Variants in HMGXB3 observed in about 807,000 individuals in gnomAD.
HMGXB3 encodes HMG domain-containing protein 3.
A neutral mutation model predicts 121.5 loss-of-function variants in HMGXB3; 45 were observed. The ratio of observed to expected loss-of-function variants is 0.37; its 90% CI spans 0.29 to 0.47. The LOEUF (loss-of-function observed/expected upper bound fraction) is 0.47, where lower values mean the gene tolerates loss of function less well. HMGXB3 is among the 20% of genes least tolerant of loss of function. The probability of loss-of-function intolerance (pLI) is 0.99; values close to 1 mark genes in which losing one functional copy is unlikely to be tolerated. For missense variants in HMGXB3, 1,376 were observed against 1,602.2 expected (o/e 0.86, Z 2.41); for synonymous variants, 590 against 624.1 (o/e 0.95, Z 0.81).
In HMGXB3 at chr5:150,052,442, T is replaced by G; in HGVS notation, c.*250T>G. On this transcript the variant is annotated 3_prime_UTR_variant, in exon 20 of 20. Transcript: ENST00000502717. Reference sequence around the variant, plus strand: ...CCGAGAGAGCACTTGGGGGACACGGTATGTTTAATGGAGGGGAGGCTGAGG... The same window carrying G: ...CCGAGAGAGCACTTGGGGGACACGGGATGTTTAATGGAGGGGAGGCTGAGG... 1 of 500,026 alleles carries G rather than the reference T, an allele frequency of 2.0e-6. No homozygotes were observed. The allele number at this position is 500,026 out of a possible 1,614,324, so 31.0% of individuals were successfully genotyped here. A position where few individuals can be genotyped will look rare whatever the true frequency, so the allele number is the denominator to read the frequency against.
chr5:150,038,667 C>G (rs1168014199), intron 13 of HMGXB3, among the ~76,000 whole-genome samples: 3 of 152,250 alleles, frequency 2.0e-5, no homozygotes. Context: ...ATAGTGTTCT[C>G]TTTCCCAGAA....
In HMGXB3 at chr5:150,045,445, T is replaced by A. The variant is rs2276984; in HGVS notation, c.2731-21T>A. The A allele has an allele frequency of 3.6e-4, 554 of 1,542,782 alleles. 11 individuals are homozygous for A. The East Asian group carries it at 0.013, about 37-fold the overall frequency. ...GTTCTGTGACTCCCACAGTTTGACC[T>A]TCTTTATCCTGACCTTCTAGTTCAC... On this transcript the variant is annotated intron_variant, in intron 15 of 19. Coordinates refer to ENST00000502717, the MANE Select transcript of HMGXB3 (RefSeq NM_014983.3).
intron 13 of HMGXB3, among the ~76,000 whole-genome samples, chr5:150,039,104 A>T (rs1756565113): frequency 6.6e-6 from 1 of 152,196 alleles, no homozygotes; most frequent in South Asian, 2.1e-4. Flanking sequence ...ACTTAGCATT[A>T]TCTGTTTTTG....
At chr5:150,022,254 A>G (rs1756114714) in intron 6 of HMGXB3, among the ~76,000 whole-genome samples, 1 of 152,146 alleles carries the variant, frequency 6.6e-6, no homozygotes. Flanking sequence ...TTTGTCTCTA[A>G]AAGCTCCAAG....
At chr5:150,002,152 C>G (rs1353835212) in intron 1 of HMGXB3, among the ~76,000 whole-genome samples, 1 of 152,114 alleles carries the variant, frequency 6.6e-6, no homozygotes, top group African/African-American at 2.4e-5. Context: ...TAGGAAGAAC[C>G]TAAGGAATAA....
At position 150,012,240 on chromosome 5, in the gene HMGXB3, C is replaced by T. The variant is rs181853984; in HGVS notation, c.811-15C>T. ...TCTGTTTCAGTGAAACTGTCCTTCT[C>T]TTCATTGCCCATAGGATTCCAGTGA... is the stretch of plus-strand genomic sequence containing the variant. On this transcript the variant is annotated splice_polypyrimidine_tract_variant and intron_variant, in intron 4 of 19. Coordinates refer to ENST00000502717, the MANE Select transcript of HMGXB3 (RefSeq NM_014983.3). The T allele has an allele frequency of 8.3e-5, 128 of 1,539,646 alleles. 1 individual carries two copies. In the East Asian group the frequency reaches 3.1e-3, roughly 37 times the overall value.
chr5:150,002,358 T>C (rs545275681), intron 1 of HMGXB3, among the ~76,000 whole-genome samples: 1 of 152,322 alleles, frequency 6.6e-6, no homozygotes, highest in South Asian at 2.1e-4. Context: ...AGTTGAAATT[T>C]AGGATGTGGA....
chr5:150,030,957 G>A (rs1023907583), intron 10 of HMGXB3, 118 bp downstream of exon 10: 57 of 649,276 alleles, frequency 8.8e-5, no homozygotes, highest in Non-Finnish European at 1.3e-4. Context: ...AACAGGGTCA[G>A]GTATAGATTG....
chr5:150,051,718 C>G lies in HMGXB3; in HGVS notation c.3412-7C>G. 2 of 1,511,170 alleles carry G rather than the reference C, an allele frequency of 1.3e-6. No homozygotes were observed. Among genetic ancestry groups the G allele is most frequent in the Non-Finnish European group, 1.8e-6 (2 of 1,127,606 alleles). The allele number at this position is 1,511,170 out of a possible 1,614,324, so 93.6% of individuals were successfully genotyped here. A position where few individuals can be genotyped will look rare whatever the true frequency, so the allele number is the denominator to read the frequency against. ...CTTATCAAAATGCATTCTCATTTCT[C>G]TTCTAGAGTGTGTCCTGCCCAGAGC... is the stretch of plus-strand genomic sequence containing the variant. On this transcript the variant is annotated splice_polypyrimidine_tract_variant and splice_region_variant and intron_variant, in intron 19 of 19. Coordinates refer to ENST00000502717, the MANE Select transcript of HMGXB3 (RefSeq NM_014983.3).
At chr5:150,044,946 G>A (rs1299089066) in intron 15 of HMGXB3, among the ~76,000 whole-genome samples, 3 of 152,130 alleles carry the variant, frequency 2.0e-5, no homozygotes, top group Non-Finnish European at 4.4e-5. Context: ...GGAGGATGTC[G>A]GCAATCCACA....
In HMGXB3 at chr5:150,041,824, A is replaced by T; in HGVS notation, c.2585A>T (p.Glu862Val). ...TCGGAGGAGCTGAGCCAGCTGCAGG[A>T]GCTGCTGTGCAATGGCTATTGGGCC... is the stretch of plus-strand genomic sequence containing the variant. ...LTSEELSQLQ[E>V]LLCNGYWAFE... The change falls in exon 15 of 20, where the codon GAG becomes GTG. Residue 862 changes from glutamate to valine, a missense_variant. Physicochemically the swap from Glu to Val is moderately radical, Grantham distance 121. This residue lies in a region of HMGXB3 where 1,116 missense variants were observed against 1,369.0 expected (regional missense o/e 0.82). Coordinates refer to ENST00000502717, the MANE Select transcript of HMGXB3 (RefSeq NM_014983.3). 6.4e-7 allele frequency: 1 copy of T among 1,551,512 alleles called. No homozygotes were observed. The highest frequency in any genetic ancestry group is 8.7e-7 in the Non-Finnish European group (1 of 1,146,840).
intron 4 of HMGXB3, among the ~76,000 whole-genome samples, chr5:150,011,422 G>T (rs1042290317): frequency 6.6e-6 from 1 of 152,072 alleles, no homozygotes; most frequent in African/African-American, 2.4e-5. Context: ...TCTCAGAGAT[G>T]GGAGTCTTTC....
In HMGXB3 at chr5:150,024,521, G is replaced by A. The variant is rs934497911; in HGVS notation, c.1301G>A (p.Cys434Tyr). The change falls in exon 7 of 20, where the codon TGT (cysteine) becomes TAT (tyrosine). Residue 434 changes from cysteine to tyrosine, a missense_variant. Physicochemically the swap from Cys to Tyr is radical, Grantham distance 194. Coordinates refer to ENST00000502717, the MANE Select transcript of HMGXB3 (RefSeq NM_014983.3). ...TTGGTTAAGGAAGCTCCCGGGAATT[G>A]TGGTACAGCAGTCACTAAGACGCCA... ...HVLVKEAPGN[C>Y]GTAVTKTPVV... 6.4e-7 allele frequency: 1 copy of A among 1,551,724 alleles called. No individual in the cohort carries two copies. The highest frequency in any genetic ancestry group is 1.2e-5 in the South Asian group (1 of 84,062).
At chr5:150,022,636 T>C (rs776652119) in intron 6 of HMGXB3, among the ~76,000 whole-genome samples, 1 of 152,134 alleles carries the variant, frequency 6.6e-6, no homozygotes, top group African/African-American at 2.4e-5. Flanking sequence ...AAAAATCTTA[T>C]CTCAAAAAAT....
At chr5:150,044,772 A>C (rs1165823797) in intron 15 of HMGXB3, among the ~76,000 whole-genome samples, 1 of 152,206 alleles carries the variant, frequency 6.6e-6, no homozygotes, top group Non-Finnish European at 1.5e-5. Context: ...TAAGCTATAC[A>C]ACTGTGATTG....
At chr5:150,044,740 A>C (rs563416787) in intron 15 of HMGXB3, among the ~76,000 whole-genome samples, 2 of 152,214 alleles carry the variant, frequency 1.3e-5, no homozygotes, top group Non-Finnish European at 2.9e-5. Context: ...GATGTGGCCA[A>C]GGTTTTTACA....
At chr5:150,044,296 C>G (rs1182073417) in intron 15 of HMGXB3, among the ~76,000 whole-genome samples, 1 of 152,018 alleles carries the variant, frequency 6.6e-6, no homozygotes, top group Non-Finnish European at 1.5e-5. Flanking sequence ...AAAGGAGGAC[C>G]CTGTGGTTAG....
intron 9 of HMGXB3, among the ~76,000 whole-genome samples, chr5:150,028,501 ATGTATGTGTG>A (rs1237449674): frequency 0.017 from 1,597 of 96,766 alleles, 80 homozygotes; most frequent in African/African-American, 0.057. Context: ...ATATATATGT[ATGTATGTGTG>A]TGTGTGTGTG....
At chr5:150,010,010 A>G (rs11167491) in intron 3 of HMGXB3, 101 bp from the exon 4 acceptor site, 144,246 of 1,318,038 alleles carry the variant, frequency 0.11, 9,096 homozygotes, top group Admixed American at 0.28. Context: ...TTTGCAGGAA[A>G]AAAAAAGAAC....
Sources: allele counts gnomAD v4.1 joint callset (sites outside exome capture counted in the v4.1 genomes callset), GRCh38; gene constraint gnomAD v4.1.1; regional missense constraint gnomAD v4.1.1; transcripts MANE v1.5; gene names NCBI Gene and HGNC (gene_info 2026-07-23, HGNC 2026-07-21).